Variants in CRACD observed in about 807,000 individuals in gnomAD.
CRACD encodes capping protein-inhibiting regulator of actin dynamics.
Under a neutral mutation model 106.8 loss-of-function variants are expected in CRACD, and 56 were observed. The observed-to-expected ratio is 0.52, with a 90% CI of 0.42 to 0.66. The LOEUF (loss-of-function observed/expected upper bound fraction) is 0.66. Ranked by LOEUF, CRACD falls within the 30% of genes least tolerant of loss-of-function variation. The probability of loss-of-function intolerance (pLI) is 0.00; values close to 1 mark genes in which losing one functional copy is unlikely to be tolerated. For missense variants in CRACD, 1,730 were observed against 1,623.2 expected, an observed-to-expected ratio of 1.07 and a Z score of -1.13; for synonymous variants, 754 against 670.8, an observed-to-expected ratio of 1.12 and a Z score of -1.92.
At chr4:56,096,716 T>C (rs1316753047) in intron 1 of CRACD, among the ~76,000 whole-genome samples, 3 of 151,702 alleles carry the variant, frequency 2.0e-5, no homozygotes, top group Admixed American at 6.6e-5. Context: ...GAAGTGACCA[T>C]TGGATTTAGT....
chr4:56,153,948 A>C (rs1735677864), intron 1 of CRACD, among the ~76,000 whole-genome samples: 1 of 152,068 alleles, frequency 6.6e-6, no homozygotes, highest in African/African-American at 2.4e-5. Context: ...CACTATCAAA[A>C]TCCTGTTTCT....
chr4:56,255,381 T>A lies in CRACD; in HGVS notation c.-188-16940T>A, dbSNP rs186920332. Among the ~76,000 whole-genome samples the A allele has an allele frequency of 1.6e-3, 237 of 152,252 alleles. 1 individual carries two copies. The highest frequency in any genetic ancestry group is 3.8e-4 in the Non-Finnish European group (26 of 68,028). ...CATTTCTGGTTTATCAGCACCATTCTGCTCTCAATTTAATGAAGGCACTAA... is the reference window on the plus strand; with the variant it reads ...CATTTCTGGTTTATCAGCACCATTCAGCTCTCAATTTAATGAAGGCACTAA... On this transcript the variant is annotated intron_variant, in intron 2 of 10. Coordinates refer to ENST00000682029, the MANE Select transcript of CRACD (RefSeq NM_001393381.1).
chr4:56,188,147 A>G (rs1428364131), intron 2 of CRACD, among the ~76,000 whole-genome samples: 1 of 152,110 alleles, frequency 6.6e-6, no homozygotes, highest in Admixed American at 6.5e-5. Context: ...CATCCCCCAA[A>G]AGGAGCATTT....
intron 2 of CRACD, among the ~76,000 whole-genome samples, chr4:56,234,333 G>T (rs1739831257): frequency 6.6e-6 from 1 of 152,000 alleles, no homozygotes; most frequent in Non-Finnish European, 1.5e-5. Context: ...CAGAATAAAT[G>T]GAATTACTCT....
At position 56,270,766 on chromosome 4, in the gene CRACD, C is replaced by T. The variant is rs904306109; in HGVS notation, c.-188-1555C>T. On this transcript the variant is annotated intron_variant, in intron 2 of 10. Coordinates refer to ENST00000682029, the MANE Select transcript of CRACD (RefSeq NM_001393381.1). Reference sequence around the variant, plus strand: ...TTAATATTTATAAAGTTCTTAGAGCCGTGGTACATAGTAAGGGTTAAAACA... The same window carrying T: ...TTAATATTTATAAAGTTCTTAGAGCTGTGGTACATAGTAAGGGTTAAAACA... 3.3e-5 allele frequency among the ~76,000 whole-genome samples: 5 copies of T among 152,080 alleles called. No homozygotes were observed. In the East Asian group the frequency reaches 7.7e-4, roughly 24 times the overall value.
At chr4:56,221,385 G>A (rs912993382) in intron 2 of CRACD, among the ~76,000 whole-genome samples, 5 of 152,130 alleles carry the variant, frequency 3.3e-5, no homozygotes, top group African/African-American at 1.2e-4. Context: ...TATATTGAGA[G>A]GTTCACATAA....
intron 1 of CRACD, among the ~76,000 whole-genome samples, chr4:56,116,615 C>G (rs1426449456): frequency 1.3e-5 from 2 of 152,176 alleles, no homozygotes; most frequent in African/African-American, 4.8e-5. Flanking sequence ...TTTAAAGCCT[C>G]CTTATTGTAA....
intron 2 of CRACD, among the ~76,000 whole-genome samples, chr4:56,266,769 C>A (rs1742046091): frequency 6.6e-6 from 1 of 152,126 alleles, no homozygotes; most frequent in Non-Finnish European, 1.5e-5. Flanking sequence ...CTAATACTGC[C>A]CCAGCATCAT....
intron 1 of CRACD, among the ~76,000 whole-genome samples, chr4:56,107,385 A>C (rs1458161299): frequency 1.3e-5 from 2 of 152,192 alleles, no homozygotes; most frequent in Non-Finnish European, 2.9e-5. Context: ...CCTACTTTAA[A>C]GGGATATTAA....
chr4:56,139,371 A>T (rs755252149), intron 1 of CRACD, among the ~76,000 whole-genome samples: 8 of 151,096 alleles, frequency 5.3e-5, no homozygotes, highest in Non-Finnish European at 1.0e-4. Flanking sequence ...TCTTCACCTT[A>T]CTTTCTCAAT....
At chr4:56,085,444 C>T (rs936131903) in intron 1 of CRACD, among the ~76,000 whole-genome samples, 3 of 151,890 alleles carry the variant, frequency 2.0e-5, no homozygotes, top group South Asian at 2.1e-4. Context: ...CCAAGAGAAA[C>T]GGATTCTTGT....
At chr4:56,325,634 T>G (rs187833785) in intron 10 of CRACD, among the ~76,000 whole-genome samples, 1 of 152,358 alleles carries the variant, frequency 6.6e-6, no homozygotes, top group East Asian at 1.9e-4. Context: ...TATTCTTTAT[T>G]TGGTTAAAAG....
intron 1 of CRACD, among the ~76,000 whole-genome samples, chr4:56,076,845 A>G (rs567867264): frequency 4.8e-4 from 73 of 152,336 alleles, no homozygotes; most frequent in South Asian, 1.9e-3. Context: ...TCCAGCATCC[A>G]GCAGAGTGCA....
chr4:56,157,210 G>A (rs1311277763), intron 1 of CRACD, among the ~76,000 whole-genome samples: 1 of 152,224 alleles, frequency 6.6e-6, no homozygotes, highest in East Asian at 1.9e-4. Context: ...CAAAGGGCCT[G>A]TAATCCCAGC....
chr4:56,049,863 G>A (rs756089662), intron 1 of CRACD: 4 of 152,188 alleles, frequency 2.6e-5, no homozygotes, highest in Non-Finnish European at 5.9e-5. Flanking sequence ...CAAGGGCCGG[G>A]GCCAGGAGAC....
At chr4:56,170,675 C>T (rs936475807) in intron 1 of CRACD, among the ~76,000 whole-genome samples, 1 of 151,954 alleles carries the variant, frequency 6.6e-6, no homozygotes. Context: ...GACCCTATCT[C>T]TACAAAAAAT....
At chr4:56,140,051 A>G (rs1435392299) in intron 1 of CRACD, among the ~76,000 whole-genome samples, 1 of 152,184 alleles carries the variant, frequency 6.6e-6, no homozygotes, top group Non-Finnish European at 1.5e-5. Context: ...TTGTCTTACT[A>G]TATGTATTTA....
At chr4:56,274,771 A>G (rs952414536) in intron 3 of CRACD, among the ~76,000 whole-genome samples, 2 of 152,228 alleles carry the variant, frequency 1.3e-5, no homozygotes, top group African/African-American at 4.8e-5. Flanking sequence ...AATATTTAAA[A>G]AATTAGTGGG....
rs559680535 is a variant in CRACD, at chr4:56,091,233, C to T, written c.-336+41934C>T. 2.6e-5 allele frequency among the ~76,000 whole-genome samples: 4 copies of T among 151,994 alleles called. 1 individual carries two copies. The highest frequency in any genetic ancestry group is 9.6e-5 in the African/African-American group (4 of 41,466). ...GCTAATTTTTTATTTTTAGTAGAGA[C>T]GAGATAGAGACACTATCTTTTCCAG... On this transcript the variant is annotated intron_variant, in intron 1 of 10. Coordinates refer to ENST00000682029, the MANE Select transcript of CRACD (RefSeq NM_001393381.1).
Sources: allele counts gnomAD v4.1 joint callset (sites outside exome capture counted in the v4.1 genomes callset), GRCh38; gene constraint gnomAD v4.1.1; transcripts MANE v1.5; gene names NCBI Gene and HGNC (gene_info 2026-07-23, HGNC 2026-07-21).